SGCZ: variants seen among roughly 807,000 people sequenced by gnomAD.
The protein encoded by SGCZ is zeta-sarcoglycan.
A neutral mutation model predicts 41.3 loss-of-function variants in SGCZ; 40 were observed. The observed-to-expected ratio is 0.97, with a 90% confidence interval of 0.75 to 1.26. SGCZ has a LOEUF of 1.26. Among genes scored for constraint, SGCZ ranks in the 50% most tolerant of loss-of-function variants. SGCZ has a pLI of 0.00. For synonymous variants in SGCZ, 206 were observed against 137.5 expected, an observed-to-expected ratio of 1.50 and a Z score of -3.49; for missense variants, 552 against 369.8, an observed-to-expected ratio of 1.49 and a Z score of -4.04.
chr8:14,963,670 A>C (rs1801039456), intron 1 of SGCZ, among the ~76,000 whole-genome samples: 1 of 152,170 alleles, frequency 6.6e-6, no homozygotes, highest in Non-Finnish European at 1.5e-5. Flanking sequence ...TCTAATTTTC[A>C]AATAGTATTG....
intron 1 of SGCZ, among the ~76,000 whole-genome samples, chr8:14,786,243 G>C (rs1400061447): frequency 6.6e-6 from 1 of 151,994 alleles, no homozygotes; most frequent in Non-Finnish European, 1.5e-5. Flanking sequence ...AGAATCATTT[G>C]TAACATTTCA....
At chr8:15,081,267 A>G (rs929195947) in intron 1 of SGCZ, among the ~76,000 whole-genome samples, 1 of 152,214 alleles carries the variant, frequency 6.6e-6, no homozygotes, top group East Asian at 1.9e-4. Context: ...CCGCATTTAC[A>G]GTGTGATTTT....
intron 2 of SGCZ, among the ~76,000 whole-genome samples, chr8:14,350,067 G>A (rs1052942285): frequency 6.6e-6 from 1 of 152,016 alleles, no homozygotes; most frequent in Non-Finnish European, 1.5e-5. Flanking sequence ...TATTTCCTTG[G>A]CTAAATGATT....
At chr8:14,991,522 T>A (rs949384645) in intron 1 of SGCZ, among the ~76,000 whole-genome samples, 3 of 152,160 alleles carry the variant, frequency 2.0e-5, no homozygotes, top group Non-Finnish European at 4.4e-5. Context: ...TCAACTTTCA[T>A]GTCATCTGGC....
chr8:14,279,391 C>A (rs1219839923), intron 3 of SGCZ, among the ~76,000 whole-genome samples: 2 of 151,990 alleles, frequency 1.3e-5, no homozygotes, highest in African/African-American at 4.8e-5. Flanking sequence ...TTCAGGTTAT[C>A]ACAAAAATGG....
At chr8:15,026,593 G>C (rs1803465508) in intron 1 of SGCZ, among the ~76,000 whole-genome samples, 2 of 152,098 alleles carry the variant, frequency 1.3e-5, no homozygotes, top group South Asian at 2.1e-4. Context: ...CTAGAGATTG[G>C]TACACAGATG....
At chr8:14,455,964 T>C (rs1413188612) in intron 2 of SGCZ, among the ~76,000 whole-genome samples, 5 of 152,216 alleles carry the variant, frequency 3.3e-5, no homozygotes, top group Admixed American at 6.5e-5. Context: ...AGTAGATTTG[T>C]AGTTACCTAC....
At chr8:14,729,099 C>A (rs1810150222) in intron 1 of SGCZ, among the ~76,000 whole-genome samples, 1 of 152,100 alleles carries the variant, frequency 6.6e-6, no homozygotes, top group South Asian at 2.1e-4. Flanking sequence ...AAATTGATCT[C>A]CCTTAAGAAA....
chr8:15,071,774 T>C (rs1805358173), intron 1 of SGCZ, among the ~76,000 whole-genome samples: 1 of 152,072 alleles, frequency 6.6e-6, no homozygotes, highest in Admixed American at 6.6e-5. Context: ...GGGTATGACC[T>C]GAGTGACTCT....
intron 1 of SGCZ, among the ~76,000 whole-genome samples, chr8:14,700,377 C>T (rs970105675): frequency 1.3e-5 from 2 of 151,938 alleles, no homozygotes; most frequent in African/African-American, 4.8e-5. Context: ...TAAAATACCA[C>T]ATGTTATCTA....
chr8:15,235,488 A>C (rs77881086), intron 1 of SGCZ, among the ~76,000 whole-genome samples: 9,665 of 152,194 alleles, frequency 0.064, 389 homozygotes, highest in Middle Eastern at 0.088. Context: ...CATTGCCAAT[A>C]TACCCCCTCA....
intron 1 of SGCZ, among the ~76,000 whole-genome samples, chr8:15,106,449 T>A (rs1176789249): frequency 6.6e-6 from 1 of 152,102 alleles, no homozygotes; most frequent in Non-Finnish European, 1.5e-5. Context: ...TTTTCTCTTA[T>A]AAGCTTTCAC....
intron 1 of SGCZ, among the ~76,000 whole-genome samples, chr8:15,054,709 C>A (rs1472538949): frequency 1.3e-5 from 2 of 151,916 alleles, no homozygotes; most frequent in African/African-American, 4.8e-5. Context: ...AATCCCAGCA[C>A]TTTAGGAGGC....
chr8:15,159,496 C>G (rs1290073253), intron 1 of SGCZ, among the ~76,000 whole-genome samples: 1 of 152,056 alleles, frequency 6.6e-6, no homozygotes. Context: ...GGACTGAGCC[C>G]TCAACCTGTG....
At chr8:14,656,488 C>T (rs1364091540) in intron 1 of SGCZ, among the ~76,000 whole-genome samples, 1 of 145,510 alleles carries the variant, frequency 6.9e-6, no homozygotes, top group Non-Finnish European at 1.5e-5. Context: ...CTTTCTCCCT[C>T]TCTTTCCTCC....
intron 1 of SGCZ, among the ~76,000 whole-genome samples, chr8:14,726,941 A>G (rs1178922192): frequency 6.6e-6 from 1 of 152,184 alleles, no homozygotes; most frequent in Non-Finnish European, 1.5e-5. Flanking sequence ...ACGAATCATG[A>G]AGGCAAATTC....
intron 1 of SGCZ, among the ~76,000 whole-genome samples, chr8:15,060,296 T>G (rs1399268158): frequency 1.3e-5 from 2 of 151,754 alleles, no homozygotes; most frequent in African/African-American, 4.8e-5. Flanking sequence ...TAGACTGGAT[T>G]AAGAAAATGT....
At chr8:15,135,759 C>A (rs997322814) in intron 1 of SGCZ, among the ~76,000 whole-genome samples, 5 of 151,962 alleles carry the variant, frequency 3.3e-5, no homozygotes, top group Admixed American at 3.3e-4. Flanking sequence ...TGGCCTATCC[C>A]AGGAAATAAT....
chr8:14,122,826 C>CGTT (rs1802741402), intron 5 of SGCZ, among the ~76,000 whole-genome samples: 2 of 92,210 alleles, frequency 2.2e-5, no homozygotes, highest in Admixed American at 2.7e-4. Flanking sequence ...ATTTGGGAAA[C>CGTT]ATTATCACAT....
Sources: gnomAD v4.1 joint callset for allele counts (sites outside exome capture counted in the v4.1 genomes callset) on GRCh38, gnomAD v4.1.1 for gene constraint, MANE v1.5 for transcripts, NCBI Gene and HGNC (gene_info 2026-07-23, HGNC 2026-07-21) for gene names.